The following OSBPL9 variants were observed in gnomAD, a reference collection of about 807,000 sequenced individuals.
OSBPL9 encodes the protein oxysterol-binding protein-related protein 9.
A neutral mutation model predicts 106.6 loss-of-function variants in OSBPL9; 40 were observed. The observed-to-expected ratio is 0.38, with a 90% CI of 0.29 to 0.49. The LOEUF (loss-of-function observed/expected upper bound fraction) is 0.49. OSBPL9 is among the 20% of genes least tolerant of loss of function. The pLI, the probability that OSBPL9 is intolerant of heterozygous loss-of-function variation, is 0.97. For missense variants in OSBPL9, 609 were observed against 887.2 expected (o/e 0.69, Z 3.98); for synonymous variants, 269 against 295.4 (o/e 0.91, Z 0.92).
chr1:51,661,285 C>T (rs983518365), intron 2 of OSBPL9, among the ~76,000 whole-genome samples: 8 of 152,098 alleles, frequency 5.3e-5, no homozygotes, highest in Non-Finnish European at 1.0e-4. Context: ...GCCTACTTTT[C>T]GCAAAGGGAG....
At chr1:51,727,910 C>T (rs139436622) in intron 4 of OSBPL9, among the ~76,000 whole-genome samples, 1 of 152,208 alleles carries the variant, frequency 6.6e-6, no homozygotes, top group East Asian at 1.9e-4. Flanking sequence ...AGGAGAGTTA[C>T]ATGGGCTATG....
chr1:51,679,041 A>T (rs902917340), intron 3 of OSBPL9, among the ~76,000 whole-genome samples: 3 of 152,222 alleles, frequency 2.0e-5, no homozygotes, highest in Non-Finnish European at 4.4e-5. Flanking sequence ...ACTTTATGTA[A>T]GGGAAATAAA....
chr1:51,757,626 A>G (rs1351908762), intron 9 of OSBPL9, among the ~76,000 whole-genome samples: 1 of 152,110 alleles, frequency 6.6e-6, no homozygotes, highest in Admixed American at 6.5e-5. Context: ...ATTTAACCTA[A>G]TAGAAAAATA....
chr1:51,701,360 A>G (rs1571173117), intron 3 of OSBPL9, among the ~76,000 whole-genome samples: 1 of 152,198 alleles, frequency 6.6e-6, no homozygotes, highest in East Asian at 1.9e-4. Context: ...ATAGTCCAGT[A>G]CTCTGTGAAT....
chr1:51,705,357 ATGAG>A (rs1163233923), intron 3 of OSBPL9, among the ~76,000 whole-genome samples: 10 of 108,264 alleles, frequency 9.2e-5, no homozygotes, highest in Non-Finnish European at 5.3e-5. Flanking sequence ...TCTCCTCTGT[ATGAG>A]TATTTAGGGT....
intron 1 of OSBPL9, among the ~76,000 whole-genome samples, chr1:51,637,204 A>G: frequency 6.6e-6 from 1 of 152,202 alleles, no homozygotes; most frequent in East Asian, 1.9e-4. Flanking sequence ...TAAAATGAGT[A>G]TAACATGCCA....
intron 1 of OSBPL9, among the ~76,000 whole-genome samples, chr1:51,645,998 ACTGT>A (rs1486053465): frequency 6.6e-6 from 1 of 152,116 alleles, no homozygotes; most frequent in Non-Finnish European, 1.5e-5. Context: ...TCAGTACCAC[ACTGT>A]CTATTATTAC....
At chr1:51,519,223 C>T in the OSBPL9 span, 1 of 1,382,416 alleles carries the variant, frequency 7.2e-7, no homozygotes, top group Non-Finnish European at 9.5e-7. Flanking sequence ...GCTGGGCCGC[C>T]GCAGCCATGG....
chr1:51,710,461 T>C (rs754443015), intron 3 of OSBPL9, among the ~76,000 whole-genome samples: 1 of 152,252 alleles, frequency 6.6e-6, no homozygotes, highest in South Asian at 2.1e-4. Flanking sequence ...CACATACTTA[T>C]AATTTCTGTT....
At chr1:51,750,687 CAT>C (rs1669051607) in intron 8 of OSBPL9, among the ~76,000 whole-genome samples, 1 of 152,126 alleles carries the variant, frequency 6.6e-6, no homozygotes, top group East Asian at 1.9e-4. Flanking sequence ...TTAAAAATTT[CAT>C]ATATGTTGTC....
intron 1 of OSBPL9, among the ~76,000 whole-genome samples, chr1:51,645,162 T>G (rs967325355): frequency 1.3e-5 from 2 of 152,146 alleles, no homozygotes; most frequent in African/African-American, 4.8e-5. Flanking sequence ...CTTGAGAAAA[T>G]AAATTTCTGT....
chr1:51,599,557 TAA>T (rs1291284991), intron 2 of OSBPL9, among the ~76,000 whole-genome samples: 1 of 152,172 alleles, frequency 6.6e-6, no homozygotes, highest in Non-Finnish European at 1.5e-5. Context: ...AGATTTGTCA[TAA>T]GTCTAATATG....
intron 16 of OSBPL9, 85 bp from the exon 17 acceptor site, chr1:51,782,474 C>G: frequency 1.9e-6 from 2 of 1,078,204 alleles, no homozygotes; most frequent in Non-Finnish European, 2.8e-6. Context: ...GTGTGTAGAG[C>G]GAGCAGAGAC....
upstream of OSBPL9, chr1:51,617,021 G>T: frequency 4.3e-6 from 3 of 704,354 alleles, no homozygotes; most frequent in Non-Finnish European, 6.4e-6. Flanking sequence ...CCCAGGACCC[G>T]CCCCGCCCCC....
intron 3 of OSBPL9, among the ~76,000 whole-genome samples, chr1:51,687,690 T>C (rs1245708482): frequency 6.6e-6 from 1 of 152,146 alleles, no homozygotes; most frequent in Non-Finnish European, 1.5e-5. Context: ...GTAAGAAGTG[T>C]CCTATATTTT....
the OSBPL9 span, among the ~76,000 whole-genome samples, chr1:51,522,754 T>C: frequency 6.6e-6 from 1 of 152,206 alleles, no homozygotes; most frequent in African/African-American, 2.4e-5. Flanking sequence ...TTCCTCATGA[T>C]TACATTGAAG....
At chr1:51,590,032 C>CAAA (rs941103745) in intron 1 of OSBPL9, among the ~76,000 whole-genome samples, 567 of 50,180 alleles carry the variant, frequency 0.011, 11 homozygotes, top group African/African-American at 0.038. Context: ...GACTCCGTCT[C>CAAA]AAAAAAAAAA....
At chr1:51,624,532 C>A (rs1248105740) in intron 1 of OSBPL9, among the ~76,000 whole-genome samples, 4 of 151,974 alleles carry the variant, frequency 2.6e-5, no homozygotes, top group African/African-American at 9.7e-5. Flanking sequence ...AACCCGTGAG[C>A]TGAGATCACG....
intron 3 of OSBPL9, among the ~76,000 whole-genome samples, chr1:51,705,531 A>G (rs1658364782): frequency 6.8e-6 from 1 of 146,292 alleles, no homozygotes; most frequent in Admixed American, 6.9e-5. Flanking sequence ...CTCCTGCCTC[A>G]GCCTCCCGAG....
Sources: gnomAD v4.1 joint callset for allele counts (sites outside exome capture counted in the v4.1 genomes callset) on GRCh38, gnomAD v4.1.1 for gene constraint, MANE v1.5 for transcripts, NCBI Gene and HGNC (gene_info 2026-07-23, HGNC 2026-07-21) for gene names.